The following DENND2C variants were observed in gnomAD, a reference collection of about 807,000 sequenced individuals.
DENND2C encodes the protein DENN domain containing 2C.
A neutral mutation model predicts 112.4 loss-of-function variants in DENND2C; 72 were observed. That is an observed-to-expected ratio of 0.64 (90% confidence interval 0.53 to 0.78). The LOEUF is 0.78. Ranked by LOEUF, DENND2C falls within the 30% of genes least tolerant of loss-of-function variation. The pLI is 0.00. For missense variants in DENND2C, 992 were observed against 1,113.8 expected, an observed-to-expected ratio of 0.89 and a Z score of 1.56; for synonymous variants, 329 against 381.6, an observed-to-expected ratio of 0.86 and a Z score of 1.61.
At chr1:114,633,068 A>G (rs1656539552) in intron 3 of DENND2C, among the ~76,000 whole-genome samples, 1 of 152,218 alleles carries the variant, frequency 6.6e-6, no homozygotes, top group Non-Finnish European at 1.5e-5. Context: ...CAATGTGGAA[A>G]TAAATGTAAG....
intron 16 of DENND2C, among the ~76,000 whole-genome samples, chr1:114,596,749 A>G (rs1191697027): frequency 6.9e-6 from 1 of 144,104 alleles, no homozygotes; most frequent in Non-Finnish European, 1.6e-5. Context: ...CAAAATAAAA[A>G]GTTTTTTTTT....
chr1:114,652,312 C>G (rs185939952), intron 2 of DENND2C, among the ~76,000 whole-genome samples: 1 of 152,246 alleles, frequency 6.6e-6, no homozygotes, highest in African/African-American at 2.4e-5. Flanking sequence ...TATATACCTG[C>G]TATACATACA....
intron 10 of DENND2C, among the ~76,000 whole-genome samples, chr1:114,605,686 G>T (rs374526664): frequency 1.3e-5 from 2 of 152,340 alleles, no homozygotes; most frequent in Admixed American, 6.5e-5. Flanking sequence ...CAGCTACTCA[G>T]GAGGCTGAGA....
At chr1:114,662,158 T>C (rs1657509689) in intron 1 of DENND2C, among the ~76,000 whole-genome samples, 3 of 152,190 alleles carry the variant, frequency 2.0e-5, no homozygotes, top group East Asian at 1.9e-4. Context: ...GAAGGCTCTA[T>C]TATTATAGCC....
rs376188927 is a variant in DENND2C, at chr1:114,602,093, A to G, written c.1737+32T>C. 1.2e-5 allele frequency: 20 copies of G among 1,611,220 alleles called. No homozygotes were observed. In the African/African-American group the frequency reaches 2.3e-4, roughly 18 times the overall value. On this transcript the variant is annotated intron_variant, in intron 12 of 20. Coordinates refer to ENST00000393274, the MANE Select transcript of DENND2C (RefSeq NM_001256404.2). ...ACTCTGACTCAATTATTCCTTGACC[A>G]ACCCTGTCTGTAACACAAATCTGAT...
intron 10 of DENND2C, among the ~76,000 whole-genome samples, chr1:114,607,160 C>T (rs987213333): frequency 6.6e-6 from 1 of 152,332 alleles, no homozygotes; most frequent in East Asian, 1.9e-4. Flanking sequence ...GAGAACTCAT[C>T]CTAGGGAAGC....
chr1:114,601,047 A>C, intron 13 of DENND2C, 87 bp from the exon 14 acceptor site: 1 of 1,395,290 alleles, frequency 7.2e-7, no homozygotes, highest in Non-Finnish European at 9.6e-7. Flanking sequence ...CCTGGTGTAC[A>C]AACTTTAAAA....
intron 1 of DENND2C, among the ~76,000 whole-genome samples, chr1:114,661,872 C>T (rs934618660): frequency 4.6e-5 from 7 of 152,116 alleles, no homozygotes; most frequent in Admixed American, 2.6e-4. Flanking sequence ...TCACACTTGA[C>T]GAATGCAAAG....
intron 8 of DENND2C, among the ~76,000 whole-genome samples, chr1:114,611,934 A>C (rs1050832707): frequency 9.2e-5 from 14 of 152,214 alleles, no homozygotes; most frequent in Non-Finnish European, 2.1e-4. Context: ...TTGATTATAT[A>C]AACTTGTATC....
intron 6 of DENND2C, among the ~76,000 whole-genome samples, chr1:114,622,605 A>G (rs1389279468): frequency 6.6e-6 from 1 of 152,160 alleles, no homozygotes; most frequent in Non-Finnish European, 1.5e-5. Context: ...CCAGAAAACA[A>G]TGGCTCACAG....
chr1:114,610,796 T>G (rs1655795880), intron 9 of DENND2C, among the ~76,000 whole-genome samples: 1 of 152,118 alleles, frequency 6.6e-6, no homozygotes, highest in East Asian at 1.9e-4. Flanking sequence ...TGTCTGGACA[T>G]GCAGCTCTCT....
chr1:114,599,194 A>T, intron 16 of DENND2C, 80 bp downstream of exon 16: 1 of 1,069,252 alleles, frequency 9.4e-7, no homozygotes, highest in Non-Finnish European at 1.3e-6. Context: ...TAACTAAATT[A>T]ATAACAATTC....
At chr1:114,631,918 C>T (rs1656501918) in intron 3 of DENND2C, among the ~76,000 whole-genome samples, 1 of 151,956 alleles carries the variant, frequency 6.6e-6, no homozygotes, top group Non-Finnish European at 1.5e-5. Context: ...TGAAGGAAAA[C>T]ATGAACATAA....
intron 7 of DENND2C, among the ~76,000 whole-genome samples, chr1:114,619,044 T>C (rs942178805): frequency 6.6e-6 from 1 of 152,236 alleles, no homozygotes; most frequent in Non-Finnish European, 1.5e-5. Context: ...ACTATGTTTT[T>C]TCTTCCACTC....
Position 114,600,930 on chromosome 1 carries a change from T to C in DENND2C, c.1846A>G (p.Met616Val). 2 of 1,613,820 alleles carry C rather than the reference T, an allele frequency of 1.2e-6. No individual in the cohort carries two copies. Among genetic ancestry groups the C allele is most frequent in the Non-Finnish European group, 1.7e-6 (2 of 1,179,776 alleles). Residue 616 changes from methionine (M) to valine (V), a missense_variant, in exon 14 of 21, where the codon ATG becomes GTG. Coordinates refer to ENST00000393274, the MANE Select transcript of DENND2C (RefSeq NM_001256404.2). ...AATGGGTAAACAAGGGCTGGAGACATTTCTCTTCTCTTCTCTACTTCATCC... is the reference window on the plus strand; with the variant it reads ...AATGGGTAAACAAGGGCTGGAGACACTTCTCTTCTCTTCTCTACTTCATCC... Reference protein sequence around the residue: ...ILDEVEKRREMSPALVYPFMR... With the variant: ...ILDEVEKRREVSPALVYPFMR...
At chr1:114,656,847 GT>G (rs1455508720) in intron 1 of DENND2C, among the ~76,000 whole-genome samples, 1 of 152,070 alleles carries the variant, frequency 6.6e-6, no homozygotes, top group Non-Finnish European at 1.5e-5. Flanking sequence ...CACCTCCTGG[GT>G]TCAAGCAATT....
In DENND2C at chr1:114,599,445, C is replaced by G. The variant is rs1244808526; in HGVS notation, c.2112G>C (p.Leu704=). 4 of 1,613,128 alleles carry G rather than the reference C, an allele frequency of 2.5e-6. No individual in the cohort carries two copies. Among genetic ancestry groups the G allele is most frequent in the African/African-American group, 1.3e-5 (1 of 74,904 alleles). Residue 704 remains leucine, a synonymous_variant, in exon 16 of 21, where the codon CTG becomes CTC. Coordinates refer to ENST00000393274, the MANE Select transcript of DENND2C (RefSeq NM_001256404.2). The part of the protein sequence containing the change: ...VIFVANSLST[L]SKCGHAVVAT... ...CTACCACAGCATGGCCACATTTTGA[C>G]AGGGTGCTAGCCAGAGGAGAAAACA...
chr1:114,599,171 C>A, intron 16 of DENND2C, 103 bp downstream of exon 16: 1 of 771,822 alleles, frequency 1.3e-6, no homozygotes, highest in Non-Finnish European at 1.9e-6. Context: ...TTATAAATAG[C>A]ATAAAATAGT....
chr1:114,639,306 C>T (rs527838666), intron 3 of DENND2C, among the ~76,000 whole-genome samples: 182 of 152,232 alleles, frequency 1.2e-3, no homozygotes, highest in African/African-American at 3.6e-3. Flanking sequence ...TTTGGCCAGG[C>T]GCGGTGGCTC....
Sources: allele counts gnomAD v4.1 joint callset (sites outside exome capture counted in the v4.1 genomes callset), GRCh38; gene constraint gnomAD v4.1.1; transcripts MANE v1.5; gene names NCBI Gene and HGNC (gene_info 2026-07-23, HGNC 2026-07-21).